The following PTPN4 variants were observed in gnomAD, a reference collection of about 807,000 sequenced individuals.
The protein encoded by PTPN4 is protein tyrosine phosphatase non-receptor type 4.
Under a neutral mutation model 135.5 loss-of-function variants are expected in PTPN4, and 49 were observed. The observed-to-expected ratio is 0.36, with a 90% CI of 0.29 to 0.46. The LOEUF is 0.46. Among genes scored for constraint, PTPN4 ranks in the 20% least tolerant of loss-of-function variants. PTPN4 has a pLI of 1.00. For missense variants in PTPN4, 860 were observed against 1,101.0 expected (o/e 0.78, Z 3.10); for synonymous variants, 333 against 369.9 (o/e 0.90, Z 1.14).
rs1679675282 is a variant in PTPN4, at chr2:119,980,442, G to T, written c.*3372G>T. The T allele has an allele frequency of 6.6e-6, 1 of 151,946 alleles. No homozygotes were observed. Among genetic ancestry groups the T allele is most frequent in the African/African-American group, 2.4e-5 (1 of 41,398 alleles). The allele number at this position is 151,946 out of a possible 1,614,324, so 9.4% of individuals were successfully genotyped here. On this transcript the variant is annotated 3_prime_UTR_variant, in exon 27 of 27. Coordinates refer to ENST00000263708, the MANE Select transcript of PTPN4 (RefSeq NM_002830.4). Reference sequence around the variant, plus strand: ...GAGAGCTGAAAGGAACTTGAAAAATGTTATCCAGTCTTCACTTAGCCCATT... The same window carrying T: ...GAGAGCTGAAAGGAACTTGAAAAATTTTATCCAGTCTTCACTTAGCCCATT...
At chr2:119,795,225 C>T (rs1333482147) in intron 1 of PTPN4, among the ~76,000 whole-genome samples, 1 of 152,160 alleles carries the variant, frequency 6.6e-6, no homozygotes, top group African/African-American at 2.4e-5. Flanking sequence ...CTGGAAAAGG[C>T]ACCACAAGTT....
intron 9 of PTPN4, among the ~76,000 whole-genome samples, chr2:119,897,074 C>G (rs1381495686): frequency 6.6e-6 from 1 of 152,128 alleles, no homozygotes; most frequent in Admixed American, 6.5e-5. Flanking sequence ...TGCACACCAC[C>G]ACACCCAGCT....
intron 1 of PTPN4, among the ~76,000 whole-genome samples, chr2:119,762,341 C>CT (rs536273409): frequency 0.025 from 3,718 of 147,450 alleles, 140 homozygotes; most frequent in African/African-American, 0.082. Flanking sequence ...AACTTTTCAG[C>CT]TTTTTTTTTT....
intron 1 of PTPN4, among the ~76,000 whole-genome samples, chr2:119,774,420 G>C (rs1690793397): frequency 6.6e-6 from 1 of 152,160 alleles, no homozygotes; most frequent in Non-Finnish European, 1.5e-5. Context: ...TGTTGCTACA[G>C]CTACACCAGC....
intron 1 of PTPN4, among the ~76,000 whole-genome samples, chr2:119,782,655 T>A (rs980108525): frequency 2.0e-5 from 3 of 151,276 alleles, no homozygotes; most frequent in Non-Finnish European, 4.4e-5. Context: ...ACAGTTGTTG[T>A]GACATTTGTA....
chr2:119,847,238 TAATA>T (rs1432941438), intron 2 of PTPN4, among the ~76,000 whole-genome samples: 14 of 143,532 alleles, frequency 9.8e-5, no homozygotes, highest in African/African-American at 1.5e-4. Context: ...ATTTATACTA[TAATA>T]AATCAGTTAA....
chr2:119,983,557 G>T lies in PTPN4; in HGVS notation c.*6487G>T, dbSNP rs918161198. The T allele has an allele frequency of 6.6e-5, 10 of 152,022 alleles. No individual in the cohort carries two copies. Among genetic ancestry groups the T allele is most frequent in the East Asian group, 1.9e-4 (1 of 5,192 alleles). 9.4% of individuals were successfully genotyped at this position (152,022 alleles called of 1,614,324 possible). On this transcript the variant is annotated 3_prime_UTR_variant, in exon 27 of 27. Transcript: ENST00000263708. ...ATTTCAATGCTAAATTTGATTTTTTGAATTTTAAATAGTTGCACTTTATTT... is the reference window on the plus strand; with the variant it reads ...ATTTCAATGCTAAATTTGATTTTTTTAATTTTAAATAGTTGCACTTTATTT...
chr2:119,778,429 A>G (rs1690878371), intron 1 of PTPN4, among the ~76,000 whole-genome samples: 1 of 152,162 alleles, frequency 6.6e-6, no homozygotes, highest in South Asian at 2.1e-4. Flanking sequence ...GAGGGCAGAG[A>G]TCTAGATGTG....
intron 26 of PTPN4, among the ~76,000 whole-genome samples, chr2:119,969,238 C>T (rs1679491840): frequency 6.6e-6 from 1 of 152,084 alleles, no homozygotes; most frequent in African/African-American, 2.4e-5. Context: ...GTCTTGAACT[C>T]CTGGGTTCAA....
intron 9 of PTPN4, among the ~76,000 whole-genome samples, chr2:119,891,148 G>T (rs774772976): frequency 6.6e-6 from 1 of 152,052 alleles, no homozygotes; most frequent in East Asian, 1.9e-4. Context: ...TTTCAGGAAG[G>T]CTTTGCTCAT....
At chr2:119,911,889 G>A (rs768234606) in intron 10 of PTPN4, among the ~76,000 whole-genome samples, 18 of 152,110 alleles carry the variant, frequency 1.2e-4, no homozygotes, top group Non-Finnish European at 1.8e-4. Context: ...TTAGAAATAT[G>A]TCTACCATAT....
intron 2 of PTPN4, among the ~76,000 whole-genome samples, chr2:119,814,607 T>A (rs1327653538): frequency 6.6e-6 from 1 of 152,206 alleles, no homozygotes; most frequent in East Asian, 1.9e-4. Flanking sequence ...AGGTGACCAC[T>A]GAAGTTGCTT....
intron 12 of PTPN4, among the ~76,000 whole-genome samples, chr2:119,922,355 A>T (rs990009781): frequency 1.3e-5 from 2 of 152,130 alleles, no homozygotes; most frequent in Non-Finnish European, 1.5e-5. Context: ...GGGATTAAGG[A>T]CTATTAAATG....
chr2:119,862,140 G>C (rs2104987569), intron 2 of PTPN4, among the ~76,000 whole-genome samples: 1 of 152,252 alleles, frequency 6.6e-6, no homozygotes, highest in Non-Finnish European at 1.5e-5. Flanking sequence ...TATCGTGATA[G>C]CCTGAAAGTG....
chr2:119,962,882 G>A (rs1679388897), intron 24 of PTPN4, 138 bp downstream of exon 24: 1 of 664,954 alleles, frequency 1.5e-6, no homozygotes, highest in South Asian at 5.9e-5. Context: ...CTTTAATGGG[G>A]TACTTTGGAA....
At chr2:119,961,337 A>G (rs988119694) in intron 23 of PTPN4, among the ~76,000 whole-genome samples, 2 of 152,236 alleles carry the variant, frequency 1.3e-5, no homozygotes, top group African/African-American at 2.4e-5. Flanking sequence ...GCTCAACATC[A>G]TTATCAGGGA....
At chr2:119,894,292 T>C (rs1678285705) in intron 9 of PTPN4, among the ~76,000 whole-genome samples, 1 of 152,248 alleles carries the variant, frequency 6.6e-6, no homozygotes, top group Non-Finnish European at 1.5e-5. Context: ...AAGGAACTCT[T>C]TTCTCAGATT....
chr2:119,842,802 C>T (rs1677401052), intron 2 of PTPN4, among the ~76,000 whole-genome samples: 1 of 152,172 alleles, frequency 6.6e-6, no homozygotes, highest in Non-Finnish European at 1.5e-5. Flanking sequence ...CATTAGTTGA[C>T]ATTGGTACCA....
In PTPN4 at chr2:119,952,013, T is replaced by C; in HGVS notation, c.1697T>C (p.Val566Ala). Reference protein sequence around the residue: ...CVPRLNEGDQVVLINGRDIAE... With the variant: ...CVPRLNEGDQAVLINGRDIAE... ...CCTAGACTGAATGAAGGGGACCAAG[T>C]TGTACTGATCAATGGTCGGGACATT... Residue 566 changes from valine (V) to alanine (A), a missense_variant, in exon 19 of 27, where the codon GTT becomes GCT. Physicochemically the swap from Val to Ala is moderately conservative, Grantham distance 64 (BLOSUM62 0). This residue lies in a region of PTPN4 where 684 missense variants were observed against 807.0 expected (regional missense o/e 0.85). Coordinates refer to ENST00000263708, the MANE Select transcript of PTPN4 (RefSeq NM_002830.4). The C allele has an allele frequency of 6.2e-7, 1 of 1,613,268 alleles. No individual in the cohort carries two copies. Among genetic ancestry groups the C allele is most frequent in the South Asian group, 1.1e-5 (1 of 91,056 alleles).
Sources: allele counts gnomAD v4.1 joint callset (sites outside exome capture counted in the v4.1 genomes callset), GRCh38; gene constraint gnomAD v4.1.1; regional missense constraint gnomAD v4.1.1; transcripts MANE v1.5; gene names NCBI Gene and HGNC (gene_info 2026-07-23, HGNC 2026-07-21).